SHROOM1: variants seen among roughly 807,000 people sequenced by gnomAD.
SHROOM1 encodes protein Shroom1.
SHROOM1 carries 53 observed loss-of-function variants against 64.2 expected under a neutral mutation model. The observed-to-expected ratio is 0.83, with a 90% CI of 0.66 to 1.04. The LOEUF is 1.04. Among genes scored for constraint, SHROOM1 ranks in the 50% least tolerant of loss-of-function variants. The pLI, the probability that SHROOM1 is intolerant of heterozygous loss-of-function variation, is 0.00. For missense variants in SHROOM1, 1,179 were observed against 1,163.2 expected, an observed-to-expected ratio of 1.01 and a Z score of -0.20; for synonymous variants, 490 against 518.9, an observed-to-expected ratio of 0.94 and a Z score of 0.76.
chr5:132,823,606 A>G lies in SHROOM1; in HGVS notation c.1953+17T>C. On this transcript the variant is annotated intron_variant, in intron 8 of 9. Coordinates refer to ENST00000378679, the MANE Select transcript of SHROOM1 (RefSeq NM_001172700.2). The surrounding 1 kb of genome is among the most constrained non-coding windows in gnomAD (Gnocchi z 4.6). ...CTCCTACCCACCCCCAGCCTCCACC[A>G]GCCCTTCTCCACTCACTTTCTTGCC... 4 of 1,574,516 alleles carry G rather than the reference A, an allele frequency of 2.5e-6. No homozygotes were observed. Among genetic ancestry groups the G allele is most frequent in the Non-Finnish European group, 2.6e-6 (3 of 1,157,886 alleles).
Position 132,823,284 on chromosome 5 carries a change from G to T in SHROOM1, c.2192C>A (p.Ala731Asp), listed in dbSNP as rs1561447191. Residue 731 changes from alanine to aspartate, a missense_variant, in exon 9 of 10, where the codon GCC (alanine) becomes GAC (aspartate). Coordinates refer to ENST00000378679, the MANE Select transcript of SHROOM1 (RefSeq NM_001172700.2). This position sits in a 1 kb window ranked among gnomAD's most constrained non-coding sequence, Gnocchi z 4.6. The part of the protein sequence containing the change: ...SRLARVRRAL[A>D]RAASDSDPDE... Reference sequence around the variant, plus strand: ...AGGGTCGCTGTCTGAGGCCGCCCGGGCCAGGGCGCGGCGCACGCGCGCCAG... The same window carrying T: ...AGGGTCGCTGTCTGAGGCCGCCCGGTCCAGGGCGCGGCGCACGCGCGCCAG... 1 of 1,600,322 alleles carries T rather than the reference G, an allele frequency of 6.2e-7. No homozygotes were observed.
Position 132,824,037 on chromosome 5 carries a change from G to A in SHROOM1, c.1624C>T (p.Leu542Phe). The change falls in exon 7 of 10, where the codon CTC becomes TTC. Residue 542 changes from leucine (L) to phenylalanine (F), a missense_variant. Leu to Phe is a conservative substitution (Grantham distance 22). Transcript: ENST00000378679. Reference protein sequence around the residue: ...GSRPTWPSQCLEELVQELARL... With the variant: ...GSRPTWPSQCFEELVQELARL... The stretch of plus-strand genomic sequence containing the variant: ...GCCAGCTCCTGAACCAGCTCCTCGA[G>A]GCACTGACTAGGCCATGTGGGCCTG... 1.2e-6 allele frequency: 2 copies of A among 1,609,282 alleles called. No homozygotes were observed. Among genetic ancestry groups the A allele is most frequent in the South Asian group, 1.1e-5 (1 of 90,228 alleles).
At position 132,823,768 on chromosome 5, in the gene SHROOM1, G is replaced by T; in HGVS notation, c.1812-4C>A. 6.4e-7 allele frequency: 1 copy of T among 1,561,134 alleles called. No individual in the cohort carries two copies. Among genetic ancestry groups the T allele is most frequent in the Admixed American group, 2.0e-5 (1 of 50,754 alleles). On this transcript the variant is annotated splice_polypyrimidine_tract_variant and splice_region_variant and intron_variant, in intron 7 of 9. Coordinates refer to ENST00000378679, the MANE Select transcript of SHROOM1 (RefSeq NM_001172700.2). This position sits in a 1 kb window ranked among gnomAD's most constrained non-coding sequence, Gnocchi z 4.6. Reference sequence around the variant, plus strand: ...GGTGAAGCTGAACTGATAGGACCTGGGAACAAAACCAGAGCTCCCTGGGTT... The same window carrying T: ...GGTGAAGCTGAACTGATAGGACCTGTGAACAAAACCAGAGCTCCCTGGGTT...
intron 1 of SHROOM1, chr5:132,829,615 A>T: frequency 2.0e-6 from 2 of 985,372 alleles, no homozygotes; most frequent in Non-Finnish European, 2.4e-6. Context: ...CCTCAAGGCC[A>T]CCTCACATCT....
Position 132,830,040 on chromosome 5 carries a change from A to G in SHROOM1, c.-501+554T>C. 7 of 985,212 alleles carry G rather than the reference A, an allele frequency of 7.1e-6. No individual in the cohort carries two copies. The highest frequency in any genetic ancestry group is 8.4e-6 in the Non-Finnish European group (7 of 829,842). 61.0% of individuals were successfully genotyped at this position (985,212 alleles called of 1,614,324 possible). A position where few individuals can be genotyped will look rare whatever the true frequency, so the allele number is the denominator to read the frequency against. On this transcript the variant is annotated intron_variant, in intron 1 of 9. Transcript: ENST00000378679. This position sits in a 1 kb window ranked among gnomAD's most constrained non-coding sequence, Gnocchi z 5.9. ...GACAGACCCGGTTACCTGGGGTTCA[A>G]TCTCTGGGAGCCGAGGCACGGGAGG...
Position 132,830,559 on chromosome 5 carries a change from C to T in SHROOM1, c.-501+35G>A, listed in dbSNP as rs1037854972. 6 of 985,504 alleles carry T rather than the reference C, an allele frequency of 6.1e-6. No homozygotes were observed. The highest frequency in any genetic ancestry group is 1.7e-5 in the African/African-American group (1 of 57,186). The allele number at this position is 985,504 out of a possible 1,614,324, so 61.0% of individuals were successfully genotyped here. On this transcript the variant is annotated intron_variant, in intron 1 of 9. Transcript: ENST00000378679. The surrounding 1 kb of genome is among the most constrained non-coding windows in gnomAD (Gnocchi z 5.9). The stretch of plus-strand genomic sequence containing the variant: ...GCCTCCCGGGGGAAGCGGACCCAGC[C>T]GCCCGCTTCCCGCTCCCCCGCCCCC...
rs756343203 is a variant in SHROOM1, at chr5:132,824,390, G to T, written c.1271C>A (p.Thr424Asn). ...SVHASDQPYG[T>N]GLGQRTGQVT... ...CTGGCCAGTTCTTTGGCCTAAGCCA[G>T]TTCCATACGGCTGGTCAGAGGCATG... Residue 424 changes from threonine to asparagine, a missense_variant, in exon 7 of 10, where the codon ACT (threonine) becomes AAT (asparagine). Coordinates refer to ENST00000378679, the MANE Select transcript of SHROOM1 (RefSeq NM_001172700.2). 1 of 1,565,178 alleles carries T rather than the reference G, an allele frequency of 6.4e-7. No homozygotes were observed. The highest frequency in any genetic ancestry group is 1.2e-5 in the South Asian group (1 of 81,586).
rs1383684866 is a variant in SHROOM1, at chr5:132,823,279, C to T, written c.2197G>A (p.Ala733Thr). Residue 733 changes from alanine to threonine, a missense_variant, in exon 9 of 10, where the codon GCG becomes ACG. Coordinates refer to ENST00000378679, the MANE Select transcript of SHROOM1 (RefSeq NM_001172700.2). This position sits in a 1 kb window ranked among gnomAD's most constrained non-coding sequence, Gnocchi z 4.6. The stretch of plus-strand genomic sequence containing the variant: ...TCATCAGGGTCGCTGTCTGAGGCCG[C>T]CCGGGCCAGGGCGCGGCGCACGCGC... ...LARVRRALAR[A>T]ASDSDPDEQA... 8.1e-6 allele frequency: 13 copies of T among 1,599,618 alleles called. No individual in the cohort carries two copies. The highest frequency in any genetic ancestry group is 1.0e-5 in the Non-Finnish European group (12 of 1,178,482).
Position 132,823,846 on chromosome 5 carries a change from T to C in SHROOM1, c.1811+4A>G. 6.5e-7 allele frequency: 1 copy of C among 1,526,826 alleles called. No homozygotes were observed. The highest frequency in any genetic ancestry group is 1.3e-5 in the South Asian group (1 of 76,366). The allele number at this position is 1,526,826 out of a possible 1,614,324, so 94.6% of individuals were successfully genotyped here. A position where few individuals can be genotyped will look rare whatever the true frequency, so the allele number is the denominator to read the frequency against. ...GTCCAGATTCCCTAGTACACCTCAC[T>C]CACCCTGGCTCAAAAGTACTGGCAG... On this transcript the variant is annotated splice_donor_region_variant and intron_variant, in intron 7 of 9. Coordinates refer to ENST00000378679, the MANE Select transcript of SHROOM1 (RefSeq NM_001172700.2). This position sits in a 1 kb window ranked among gnomAD's most constrained non-coding sequence, Gnocchi z 4.6.
At chr5:132,829,983 G>A in intron 1 of SHROOM1, 1 of 985,484 alleles carries the variant, frequency 1.0e-6, no homozygotes, top group Non-Finnish European at 1.2e-6. Context: ...CAGGAAGCTG[G>A]CGACACCCGG....
chr5:132,829,155 A>G (rs892058687), intron 1 of SHROOM1, among the ~76,000 whole-genome samples: 2 of 152,214 alleles, frequency 1.3e-5, no homozygotes, highest in African/African-American at 2.4e-5. Context: ...CCCCGCTAGA[A>G]AGACACCAGA....
At position 132,825,156 on chromosome 5, in the gene SHROOM1, T is replaced by TC. The variant is rs779150201; in HGVS notation, c.978+6dup. ...CCTCACCAGCCTGCATCTCCTGACTTCCATACCTGGACAATGGGTATGGTC... is the reference window on the plus strand; with the variant it reads ...CCTCACCAGCCTGCATCTCCTGACTTCCCATACCTGGACAATGGGTATGGTC... On this transcript the variant is annotated splice_region_variant and intron_variant, in intron 4 of 9. Transcript: ENST00000378679. This position sits in a 1 kb window ranked among gnomAD's most constrained non-coding sequence, Gnocchi z 5.1. The TC allele has an allele frequency of 1.1e-5, 17 of 1,614,002 alleles. No homozygotes were observed. The highest frequency in any genetic ancestry group is 1.4e-5 in the Non-Finnish European group (16 of 1,180,032).
rs2150030060 is a variant in SHROOM1, at chr5:132,825,546, C to T, written c.595G>A (p.Ala199Thr). Reference protein sequence around the residue: ...LSHPGGEGEPARSRAPAPGTA... With the variant: ...LSHPGGEGEPTRSRAPAPGTA... ...CCTGGCGCGGGAGCCCGGGAGCGCG[C>T]CGGCTCCCCCTCCCCGCCCGGGTGG... Residue 199 changes from alanine to threonine, a missense_variant, in exon 4 of 10, where the codon GCG becomes ACG. Transcript: ENST00000378679. The surrounding 1 kb of genome is among the most constrained non-coding windows in gnomAD (Gnocchi z 5.1). 3 of 1,428,636 alleles carry T rather than the reference C, an allele frequency of 2.1e-6. No homozygotes were observed. Among genetic ancestry groups the T allele is most frequent in the South Asian group, 3.0e-5 (2 of 67,046 alleles). The allele number at this position is 1,428,636 out of a possible 1,614,324, so 88.5% of individuals were successfully genotyped here. A position where few individuals can be genotyped will look rare whatever the true frequency, so the allele number is the denominator to read the frequency against.
At position 132,823,353 on chromosome 5, in the gene SHROOM1, T is replaced by A. The variant is rs1758520572; in HGVS notation, c.2123A>T (p.Asp708Val). The change falls in exon 9 of 10, where the codon GAC becomes GTC. Residue 708 changes from aspartate (D) to valine (V), a missense_variant. Coordinates refer to ENST00000378679, the MANE Select transcript of SHROOM1 (RefSeq NM_001172700.2). The surrounding 1 kb of genome is among the most constrained non-coding windows in gnomAD (Gnocchi z 4.6). ...ELERFSRFMA[D>V]LERVLGLLLL... ...CAGAAGGCCAAGCACGCGCTCTAGG[T>A]CGGCCATGAACCGGCTGAACCGCTC... The A allele has an allele frequency of 6.2e-7, 1 of 1,607,336 alleles. No homozygotes were observed. The highest frequency in any genetic ancestry group is 8.5e-7 in the Non-Finnish European group (1 of 1,179,642).
Position 132,826,442 on chromosome 5 carries a change from G to T in SHROOM1, c.-208C>A. 2.5e-6 allele frequency: 1 copy of T among 398,680 alleles called. No individual in the cohort carries two copies. Among genetic ancestry groups the T allele is most frequent in the Non-Finnish European group, 4.2e-6 (1 of 239,518 alleles). 24.7% of individuals were successfully genotyped at this position (398,680 alleles called of 1,614,324 possible). A position where few individuals can be genotyped will look rare whatever the true frequency, so the allele number is the denominator to read the frequency against. ...AGGAATTGGGACCAGCTCATTCCCT[G>T]CCAGGCTCCCCTTGCCCACACAAGC... On this transcript the variant is annotated 5_prime_UTR_variant, in exon 3 of 10. Transcript: ENST00000378679.
In SHROOM1 at chr5:132,822,918, G is replaced by A. The variant is rs1338097290; in HGVS notation, c.2437C>T (p.Leu813Phe). Residue 813 changes from leucine (L) to phenylalanine (F), a missense_variant, in exon 10 of 10, where the codon CTT becomes TTT. Physicochemically the swap from Leu to Phe is conservative, Grantham distance 22. Transcript: ENST00000378679. ...QRNLDERIRLLQDQLDAIRDD... is the reference protein window; with the variant it reads ...QRNLDERIRLFQDQLDAIRDD... The stretch of plus-strand genomic sequence containing the variant: ...CTGATGGCGTCCAGTTGGTCCTGAA[G>A]GAGGCGGATGCGCTCGTCCAGGTTG... 6.2e-7 allele frequency: 1 copy of A among 1,613,244 alleles called. No individual in the cohort carries two copies. The highest frequency in any genetic ancestry group is 8.5e-7 in the Non-Finnish European group (1 of 1,179,966).
Position 132,822,820 on chromosome 5 carries a change from C to A in SHROOM1, c.2535G>T (p.Pro845=). The part of the protein sequence containing the change: ...RPPGTCPPVQ[P]PFPLLLT ...ACTATGTAAGGAGAAGAGGGAAGGGCGGCTGAACTGGAGGACAGGTCCCTG... is the reference window on the plus strand; with the variant it reads ...ACTATGTAAGGAGAAGAGGGAAGGGAGGCTGAACTGGAGGACAGGTCCCTG... Residue 845 remains proline (P), a synonymous_variant, in exon 10 of 10, where the codon CCG becomes CCT. Transcript: ENST00000378679. The A allele has an allele frequency of 6.2e-7, 1 of 1,608,820 alleles. No homozygotes were observed.
At position 132,830,472 on chromosome 5, in the gene SHROOM1, G is replaced by T; in HGVS notation, c.-501+122C>A. On this transcript the variant is annotated intron_variant, in intron 1 of 9. Transcript: ENST00000378679. This position sits in a 1 kb window ranked among gnomAD's most constrained non-coding sequence, Gnocchi z 5.9. ...CACGTCCCGGCCGAACGATGCCCGGGCTGCCCCGCGACCACCGCCTCGCCG... is the reference window on the plus strand; with the variant it reads ...CACGTCCCGGCCGAACGATGCCCGGTCTGCCCCGCGACCACCGCCTCGCCG... 1 of 984,982 alleles carries T rather than the reference G, an allele frequency of 1.0e-6. No individual in the cohort carries two copies. Among genetic ancestry groups the T allele is most frequent in the Non-Finnish European group, 1.2e-6 (1 of 829,806 alleles). The allele number at this position is 984,982 out of a possible 1,614,324, so 61.0% of individuals were successfully genotyped here. A position where few individuals can be genotyped will look rare whatever the true frequency, so the allele number is the denominator to read the frequency against.
chr5:132,823,013 A>G lies in SHROOM1; in HGVS notation c.2342T>C (p.Leu781Pro), dbSNP rs1758501075. Reference protein sequence around the residue: ...RAVREVLVRALPVEELRVYCA... With the variant: ...RAVREVLVRAPPVEELRVYCA... ...ATAGACGCGCAGCTCCTCCACCGGT[A>G]GTGCTCGCACCAGCACCTCCCGCAC... Residue 781 changes from leucine to proline, a missense_variant, in exon 10 of 10, where the codon CTA becomes CCA. Coordinates refer to ENST00000378679, the MANE Select transcript of SHROOM1 (RefSeq NM_001172700.2). The surrounding 1 kb of genome is among the most constrained non-coding windows in gnomAD (Gnocchi z 4.6). The G allele has an allele frequency of 6.2e-7, 1 of 1,603,892 alleles. No homozygotes were observed. Among genetic ancestry groups the G allele is most frequent in the South Asian group, 1.1e-5 (1 of 91,010 alleles).
Sources: allele counts gnomAD v4.1 joint callset (sites outside exome capture counted in the v4.1 genomes callset), GRCh38; gene constraint gnomAD v4.1.1; non-coding constraint Gnocchi (gnomAD v3.1); transcripts MANE v1.5; gene names NCBI Gene and HGNC (gene_info 2026-07-23, HGNC 2026-07-21).